Variants in FYB1 observed in about 807,000 individuals in gnomAD.
FYB1 encodes FYN binding protein 1, also known as FYN-binding protein 1.
Under a neutral mutation model 94.1 loss-of-function variants are expected in FYB1, and 41 were observed. The ratio of observed to expected loss-of-function variants is 0.44; its 90% CI spans 0.34 to 0.57. FYB1 has a LOEUF of 0.57. Among genes scored for constraint, FYB1 ranks in the 20% least tolerant of loss-of-function variants. The pLI is 0.02. For missense variants in FYB1, 1,050 were observed against 976.8 expected, an observed-to-expected ratio of 1.07 and a Z score of -1.00; for synonymous variants, 367 against 353.2, an observed-to-expected ratio of 1.04 and a Z score of -0.44.
intron 1 of FYB1, among the ~76,000 whole-genome samples, chr5:39,212,210 G>C (rs1363425947): frequency 6.6e-6 from 1 of 152,018 alleles, no homozygotes; most frequent in Non-Finnish European, 1.5e-5. Context: ...CTGGAGGCTG[G>C]GGTGGGATGA....
intron 3 of FYB1, among the ~76,000 whole-genome samples, chr5:39,149,909 C>G (rs986426643): frequency 6.6e-6 from 1 of 152,150 alleles, no homozygotes; most frequent in African/African-American, 2.4e-5. Flanking sequence ...GTCATCTTAA[C>G]CAGCCTTATG....
intron 2 of FYB1, among the ~76,000 whole-genome samples, chr5:39,196,853 C>G (rs1405536862): frequency 6.6e-6 from 1 of 152,226 alleles, no homozygotes; most frequent in Non-Finnish European, 1.5e-5. Flanking sequence ...TGCCTTTGGG[C>G]AAGTTACCTA....
At chr5:39,167,472 C>A (rs1246205628) in intron 2 of FYB1, among the ~76,000 whole-genome samples, 2 of 152,130 alleles carry the variant, frequency 1.3e-5, no homozygotes, top group Non-Finnish European at 2.9e-5. Context: ...TGTTTACTGA[C>A]CTTTGTATGT....
chr5:39,223,018 C>G (rs2150557606), upstream of FYB1, among the ~76,000 whole-genome samples: 1 of 151,938 alleles, frequency 6.6e-6, no homozygotes, highest in Non-Finnish European at 1.5e-5. Flanking sequence ...GGCTTAATAC[C>G]CAGGTGATGG....
chr5:39,162,546 G>C (rs890559400), intron 2 of FYB1, among the ~76,000 whole-genome samples: 1 of 152,182 alleles, frequency 6.6e-6, no homozygotes, highest in South Asian at 2.1e-4. Flanking sequence ...TTAGCCAGGC[G>C]TGGTGGCGCT....
At chr5:39,186,664 T>TA (rs1491354608) in intron 2 of FYB1, among the ~76,000 whole-genome samples, 3 of 110,526 alleles carry the variant, frequency 2.7e-5, no homozygotes, top group Admixed American at 9.8e-5. Context: ...TTTTTTTTTT[T>TA]ACTATTATTG....
At chr5:39,128,932 C>T (rs1290016809) in intron 10 of FYB1, among the ~76,000 whole-genome samples, 1 of 152,068 alleles carries the variant, frequency 6.6e-6, no homozygotes, top group Non-Finnish European at 1.5e-5. Flanking sequence ...AATGTAATCT[C>T]TATCAAAATA....
intron 1 of FYB1, among the ~76,000 whole-genome samples, chr5:39,215,230 A>AT (rs1346024276): frequency 6.6e-6 from 1 of 152,224 alleles, no homozygotes; most frequent in Admixed American, 6.5e-5. Flanking sequence ...AGAATGTTAA[A>AT]AAAGGTGTTT....
chr5:39,244,384 C>T (rs1334124967), intron 1 of FYB1, among the ~76,000 whole-genome samples: 2 of 146,580 alleles, frequency 1.4e-5, no homozygotes, highest in African/African-American at 2.7e-5. Context: ...GCCTTTTCTG[C>T]GTCTATTGAG....
chr5:39,225,877 A>G lies in FYB1; in HGVS notation c.-27-22890T>C, dbSNP rs118086800. ...TTTCAACAAAACCATAATGTTCACC[A>G]GTGGTTGGTTCCACTTTTTTAATAG... On this transcript the variant is annotated intron_variant, in intron 1 of 1. Transcript: ENST00000510188. Among the ~76,000 whole-genome samples, 270 of 152,338 alleles carry G rather than the reference A, an allele frequency of 1.8e-3. 5 individuals carry two copies. The highest frequency in any genetic ancestry group is 0.015 in the Admixed American group (223 of 15,296).
intron 10 of FYB1, among the ~76,000 whole-genome samples, chr5:39,128,465 C>T (rs891631679): frequency 3.3e-5 from 5 of 152,012 alleles, no homozygotes; most frequent in African/African-American, 1.2e-4. Context: ...TAGATCAAAT[C>T]CCTTATTTTG....
chr5:39,124,290 G>A lies in FYB1; in HGVS notation c.2046-12C>T. The A allele has an allele frequency of 6.5e-7, 1 of 1,544,848 alleles. No homozygotes were observed. The highest frequency in any genetic ancestry group is 1.4e-5 in the African/African-American group (1 of 71,478). On this transcript the variant is annotated splice_polypyrimidine_tract_variant and intron_variant, in intron 12 of 18. Transcript: ENST00000512982. ...GAGGAGCAGGGAAACTACAAAGAAA[G>A]TGAGAACACAATTATAATCAGACTA...
At chr5:39,192,962 C>T (rs9292733) in intron 2 of FYB1, among the ~76,000 whole-genome samples, 87,635 of 152,110 alleles carry the variant, frequency 0.58, 28,731 homozygotes, top group Non-Finnish European at 0.73. Flanking sequence ...GTTCTGTTCA[C>T]CTCCTCCTCT....
At chr5:39,268,091 T>C (rs1232871796) in intron 1 of FYB1, among the ~76,000 whole-genome samples, 2 of 152,284 alleles carry the variant, frequency 1.3e-5, no homozygotes, top group African/African-American at 4.8e-5. Context: ...ATAAAGTATA[T>C]AACACTTATA....
Position 39,137,714 on chromosome 5 carries a change from T to G in FYB1, c.1401A>C (p.Ala467=). 4 of 1,551,058 alleles carry G rather than the reference T, an allele frequency of 2.6e-6. No homozygotes were observed. Among genetic ancestry groups the G allele is most frequent in the Non-Finnish European group, 1.7e-6 (2 of 1,146,616 alleles). The stretch of plus-strand genomic sequence containing the variant: ...CCCTTTTCTTCTCTCTTTCTTTGGA[T>G]GCTTCTCTGTGAGTAAAAATTGTTA... The part of the protein sequence containing the change: ...SEGETYEDIE[A]SKEREKKREK... The change falls in exon 7 of 19, where the codon GCA becomes GCC. Residue 467 remains alanine, a synonymous_variant. Transcript: ENST00000512982.
intron 3 of FYB1, among the ~76,000 whole-genome samples, chr5:39,145,877 C>G (rs1048083934): frequency 6.6e-6 from 1 of 151,682 alleles, no homozygotes; most frequent in East Asian, 1.9e-4. Context: ...TTCTCAGCAT[C>G]CCCTGCTTGT....
intron 1 of FYB1, chr5:39,212,810 T>C (rs1351253005): frequency 2.0e-5 from 3 of 152,196 alleles, no homozygotes; most frequent in Non-Finnish European, 4.4e-5. Flanking sequence ...CAGGCACGCT[T>C]CTCTTTCCAA....
intron 1 of FYB1, among the ~76,000 whole-genome samples, chr5:39,210,858 T>C (rs577597834): frequency 2.0e-5 from 3 of 152,224 alleles, no homozygotes; most frequent in Non-Finnish European, 4.4e-5. Flanking sequence ...TATAAATACA[T>C]ACATATAAAT....
intron 16 of FYB1, among the ~76,000 whole-genome samples, chr5:39,113,196 G>A (rs1222896795): frequency 1.3e-5 from 2 of 151,844 alleles, no homozygotes; most frequent in East Asian, 1.9e-4. Flanking sequence ...TATTTTTTGC[G>A]GTAGGAAAAT....
Sources: allele counts gnomAD v4.1 joint callset (sites outside exome capture counted in the v4.1 genomes callset), GRCh38; gene constraint gnomAD v4.1.1; transcripts MANE v1.5; gene names NCBI Gene and HGNC (gene_info 2026-07-23, HGNC 2026-07-21).